TAFA2: variants seen among roughly 807,000 people sequenced by gnomAD.
The protein encoded by TAFA2 is chemokine-like protein TAFA-2.
In TAFA2, 7 loss-of-function variants were observed where a neutral mutation model predicts 18.8. The ratio of observed to expected loss-of-function variants is 0.37; its 90% confidence interval spans 0.21 to 0.70. The LOEUF (loss-of-function observed/expected upper bound fraction) is 0.70, where lower values mean the gene tolerates loss of function less well. Ranked by LOEUF, TAFA2 falls within the 30% of genes least tolerant of loss-of-function variation. The pLI, the probability that TAFA2 is intolerant of heterozygous loss-of-function variation, is 0.53. For missense variants in TAFA2, 122 were observed against 158.1 expected, an observed-to-expected ratio of 0.77 and a Z score of 1.23; for synonymous variants, 60 against 54.2, an observed-to-expected ratio of 1.11 and a Z score of -0.47.
chr12:61,951,699 G>A lies in TAFA2; in HGVS notation c.-1-84273C>T, dbSNP rs141370421. Among the ~76,000 whole-genome samples, 741 of 151,928 alleles carry A rather than the reference G, an allele frequency of 4.9e-3. 3 individuals are homozygous for A. The highest frequency in any genetic ancestry group is 0.017 in the African/African-American group (708 of 41,426). On this transcript the variant is annotated intron_variant, in intron 1 of 4. Coordinates refer to ENST00000416284, the MANE Select transcript of TAFA2 (RefSeq NM_178539.5). ...ATAGTGTATCATTTTTTCTTTCTCC[G>A]GATGACACTAAGGCATACACTACAA... is the stretch of plus-strand genomic sequence containing the variant.
chr12:61,980,587 C>T (rs536394749), intron 1 of TAFA2, among the ~76,000 whole-genome samples: 2 of 152,314 alleles, frequency 1.3e-5, no homozygotes, highest in East Asian at 3.9e-4. Flanking sequence ...TCTCCTTAAG[C>T]TGATAAGCAA....
At position 62,086,359 on chromosome 12, in the gene TAFA2, A is replaced by T. The variant is rs371197419; in HGVS notation, c.-2+104900T>A. Among the ~76,000 whole-genome samples the T allele has an allele frequency of 2.0e-5, 3 of 152,126 alleles. No homozygotes were observed. The East Asian group carries it at 5.8e-4, about 29-fold the overall frequency. On this transcript the variant is annotated intron_variant, in intron 1 of 4. Transcript: ENST00000416284. ...GACAGTATCAACAGAGTGAAAAGACAACCCATAAAATGAGACAAAATATTT... is the reference window on the plus strand; with the variant it reads ...GACAGTATCAACAGAGTGAAAAGACTACCCATAAAATGAGACAAAATATTT...
At chr12:61,884,786 T>C (rs958630248) in intron 1 of TAFA2, among the ~76,000 whole-genome samples, 1 of 151,964 alleles carries the variant, frequency 6.6e-6, no homozygotes, top group African/African-American at 2.4e-5. Flanking sequence ...ATGATGAGGG[T>C]TACAATAAAA....
chr12:61,866,612 GA>G (rs1874365686), intron 2 of TAFA2, among the ~76,000 whole-genome samples: 1 of 152,172 alleles, frequency 6.6e-6, no homozygotes, highest in Admixed American at 6.5e-5. Context: ...AAAGAGGGCA[GA>G]AAGAATGTAA....
At chr12:61,982,111 T>C (rs904578951) in intron 1 of TAFA2, among the ~76,000 whole-genome samples, 1 of 152,038 alleles carries the variant, frequency 6.6e-6, no homozygotes, top group Non-Finnish European at 1.5e-5. Flanking sequence ...TCTGCAGCCA[T>C]AAAAAAGGAT....
intron 1 of TAFA2, among the ~76,000 whole-genome samples, chr12:62,145,038 G>C (rs1819241183): frequency 6.6e-6 from 1 of 152,178 alleles, no homozygotes; most frequent in Non-Finnish European, 1.5e-5. Flanking sequence ...ATAATCAAAG[G>C]TGATGATCAT....
At chr12:62,152,989 C>T (rs1338050299) in intron 1 of TAFA2, among the ~76,000 whole-genome samples, 1 of 152,078 alleles carries the variant, frequency 6.6e-6, no homozygotes, top group Non-Finnish European at 1.5e-5. Flanking sequence ...TGGAAAGGAT[C>T]TATTAATAAT....
chr12:61,976,044 G>C (rs551915874), intron 1 of TAFA2, among the ~76,000 whole-genome samples: 3 of 151,628 alleles, frequency 2.0e-5, no homozygotes, highest in South Asian at 2.1e-4. Context: ...CCTCAATAAA[G>C]CTGGAATGAA....
intron 2 of TAFA2, among the ~76,000 whole-genome samples, chr12:61,774,363 G>C (rs546805343): frequency 4.0e-5 from 6 of 151,778 alleles, no homozygotes; most frequent in Non-Finnish European, 8.8e-5. Flanking sequence ...ATACAAAAAA[G>C]ATACGTGCAC....
intron 1 of TAFA2, among the ~76,000 whole-genome samples, chr12:61,914,534 T>C (rs1328666671): frequency 2.0e-5 from 3 of 152,182 alleles, no homozygotes; most frequent in Non-Finnish European, 4.4e-5. Flanking sequence ...GTTATTCCAG[T>C]TAAAGTCTCT....
intron 1 of TAFA2, among the ~76,000 whole-genome samples, chr12:62,227,363 T>C (rs7956694): frequency 2.7e-4 from 41 of 152,366 alleles, no homozygotes; most frequent in African/African-American, 8.9e-4. Context: ...ATGCATACAC[T>C]AAAGTGTCTG....
At chr12:61,756,052 A>G (rs1869251746) in intron 2 of TAFA2, among the ~76,000 whole-genome samples, 1 of 152,094 alleles carries the variant, frequency 6.6e-6, no homozygotes, top group Non-Finnish European at 1.5e-5. Context: ...AAGGAGACCC[A>G]TTGCAAATGA....
intron 1 of TAFA2, among the ~76,000 whole-genome samples, chr12:61,983,569 A>G (rs766825565): frequency 2.0e-5 from 3 of 151,894 alleles, no homozygotes; most frequent in Non-Finnish European, 4.4e-5. Context: ...CACCACGCCC[A>G]GATAGTTTTT....
intron 2 of TAFA2, among the ~76,000 whole-genome samples, chr12:61,774,519 C>G (rs146731698): frequency 6.6e-6 from 1 of 151,816 alleles, no homozygotes; most frequent in Admixed American, 6.6e-5. Context: ...ACATTCACAG[C>G]AACCTGGATG....
At chr12:62,015,232 C>A (rs1880894517) in intron 1 of TAFA2, among the ~76,000 whole-genome samples, 1 of 152,140 alleles carries the variant, frequency 6.6e-6, no homozygotes, top group Non-Finnish European at 1.5e-5. Flanking sequence ...AGCTTGGGTT[C>A]TTCACTAAAC....
rs763583816 is a variant in TAFA2, at chr12:61,864,919, GA to G, written c.106+2400del. 3.3e-5 allele frequency among the ~76,000 whole-genome samples: 5 copies of G among 152,012 alleles called. No homozygotes were observed. In the East Asian group the frequency reaches 9.6e-4, roughly 29 times the overall value. On this transcript the variant is annotated intron_variant, in intron 2 of 4. Coordinates refer to ENST00000416284, the MANE Select transcript of TAFA2 (RefSeq NM_178539.5). Reference sequence around the variant, plus strand: ...ATGCTCACCAAGGTGTTCTGGGTCAGAAACTGATATCTTACTAATTAATTCA... The same window carrying G: ...ATGCTCACCAAGGTGTTCTGGGTCAGAACTGATATCTTACTAATTAATTCA...
intron 4 of TAFA2, among the ~76,000 whole-genome samples, chr12:61,740,649 T>TA (rs1176875098): frequency 3.9e-5 from 6 of 151,952 alleles, no homozygotes; most frequent in African/African-American, 4.8e-5. Flanking sequence ...AATACTCATG[T>TA]AAAAAAACTC....
At chr12:61,833,486 T>C (rs1565649971) in intron 2 of TAFA2, among the ~76,000 whole-genome samples, 2 of 152,092 alleles carry the variant, frequency 1.3e-5, no homozygotes, top group African/African-American at 2.4e-5. Context: ...GATTTTATCA[T>C]TTGACTGGAT....
intron 2 of TAFA2, among the ~76,000 whole-genome samples, chr12:61,855,318 T>G (rs1592437224): frequency 6.6e-6 from 1 of 152,182 alleles, no homozygotes; most frequent in African/African-American, 2.4e-5. Flanking sequence ...ATGCCAAGTA[T>G]TTTATTCTCT....
Sources: allele counts gnomAD v4.1 joint callset (sites outside exome capture counted in the v4.1 genomes callset), GRCh38; gene constraint gnomAD v4.1.1; transcripts MANE v1.5; gene names NCBI Gene and HGNC (gene_info 2026-07-23, HGNC 2026-07-21).